DLG2: variants seen among roughly 807,000 people sequenced by gnomAD.
DLG2 encodes the protein discs large MAGUK scaffold protein 2, also known as disks large homolog 2.
In DLG2, 45 loss-of-function variants were observed where a neutral mutation model predicts 132.5. That is an observed-to-expected ratio of 0.34 (90% CI 0.27 to 0.44). The LOEUF (loss-of-function observed/expected upper bound fraction) is 0.44. Ranked by LOEUF, DLG2 falls within the 20% of genes least tolerant of loss-of-function variation. The probability of loss-of-function intolerance (pLI) is 1.00; values close to 1 mark genes in which losing one functional copy is unlikely to be tolerated. For synonymous variants in DLG2, 424 were observed against 419.6 expected (o/e 1.01, Z -0.13); for missense variants, 1,045 against 1,196.9 (o/e 0.87, Z 1.87).
At chr11:85,625,411 CT>C (rs1267886249) in intron 2 of DLG2, among the ~76,000 whole-genome samples, 2 of 152,302 alleles carry the variant, frequency 1.3e-5, no homozygotes, top group East Asian at 3.9e-4. Flanking sequence ...CAGTTTACTT[CT>C]GTCAGTGGTA....
intron 6 of DLG2, among the ~76,000 whole-genome samples, chr11:84,714,623 T>TTCTCTTTCTCTCTCTCTCTCTCTCTC (rs2060951658): frequency 9.5e-6 from 1 of 104,994 alleles, no homozygotes; most frequent in African/African-American, 4.3e-5. Context: ...CTCTTTCTCT[T>TTCTCTTTCTCTCTCTCTCTCTCTCTC]TCTCTCTCTC....
Position 83,492,155 on chromosome 11 carries a change from T to G in DLG2, c.2194-7927A>C, listed in dbSNP as rs74733536. ...TCCTGGCTACTTATCTAAACCACTT[T>G]ATTCAGGGCCACCAATGAACTTCAT... On this transcript the variant is annotated intron_variant, in intron 21 of 27. Transcript: ENST00000376104. 1.4e-4 allele frequency among the ~76,000 whole-genome samples: 22 copies of G among 152,210 alleles called. No individual in the cohort carries two copies. The East Asian group carries it at 4.3e-3, about 29-fold the overall frequency.
chr11:83,969,210 C>T (rs2090849286), intron 12 of DLG2, among the ~76,000 whole-genome samples: 2 of 152,120 alleles, frequency 1.3e-5, no homozygotes, highest in South Asian at 2.1e-4. Flanking sequence ...GATCACAAGC[C>T]TCCTTACGAG....
chr11:83,749,193 G>A (rs774557942), intron 18 of DLG2, among the ~76,000 whole-genome samples: 1 of 152,186 alleles, frequency 6.6e-6, no homozygotes, highest in East Asian at 1.9e-4. Context: ...GATTAGCATG[G>A]AGAGCCATAG....
intron 6 of DLG2, among the ~76,000 whole-genome samples, chr11:84,953,513 A>G (rs1056936818): frequency 1.3e-5 from 2 of 152,184 alleles, no homozygotes; most frequent in Admixed American, 1.3e-4. Context: ...ATTTTAATTC[A>G]GCTCATCCAT....
At chr11:85,300,827 G>A (rs1214707276) in intron 3 of DLG2, among the ~76,000 whole-genome samples, 1 of 152,112 alleles carries the variant, frequency 6.6e-6, no homozygotes, top group East Asian at 1.9e-4. Context: ...TCAGGCATGG[G>A]AGTTTGAGGA....
intron 16 of DLG2, among the ~76,000 whole-genome samples, chr11:83,845,267 T>C (rs1338639121): frequency 6.6e-6 from 1 of 152,110 alleles, no homozygotes; most frequent in African/African-American, 2.4e-5. Context: ...AAAGATCTTT[T>C]TAGTAGAATG....
intron 22 of DLG2, among the ~76,000 whole-genome samples, chr11:83,478,257 T>A (rs2092784513): frequency 6.6e-6 from 1 of 152,100 alleles, no homozygotes; most frequent in Admixed American, 6.6e-5. Context: ...TGAGCTGTGA[T>A]AAAGACTCTT....
chr11:85,504,434 T>A (rs1300622852), intron 3 of DLG2, among the ~76,000 whole-genome samples: 1 of 152,242 alleles, frequency 6.6e-6, no homozygotes, highest in Non-Finnish European at 1.5e-5. Context: ...TACATATGGC[T>A]AGCCAGTTTT....
chr11:84,390,432 G>C (rs2098788580), intron 7 of DLG2, among the ~76,000 whole-genome samples: 1 of 152,166 alleles, frequency 6.6e-6, no homozygotes, highest in Non-Finnish European at 1.5e-5. Context: ...TTATATGTTA[G>C]TGTGGTTAGG....
intron 3 of DLG2, among the ~76,000 whole-genome samples, chr11:85,526,618 A>G (rs1221931593): frequency 3.3e-5 from 5 of 152,220 alleles, no homozygotes; most frequent in African/African-American, 1.2e-4. Context: ...TAACTACATG[A>G]GAATAATAGT....
chr11:83,790,601 G>T, intron 17 of DLG2: 1 of 1,323,232 alleles, frequency 7.6e-7, no homozygotes, highest in Non-Finnish European at 1.1e-6. Flanking sequence ...TAAGTCCACT[G>T]AAGTTCCTTT....
rs549819299 is a variant in DLG2, at chr11:83,630,323, G to A, written c.1940+2888C>T. On this transcript the variant is annotated intron_variant, in intron 19 of 27. Coordinates refer to ENST00000376104, the MANE Select transcript of DLG2 (RefSeq NM_001142699.3). ...ACCAGGACCAGGGCTAGAGTTGGGA[G>A]CATGCTTGTGAGCATGCGTGTGTGT... Among the ~76,000 whole-genome samples, 382 of 138,462 alleles carry A rather than the reference G, an allele frequency of 2.8e-3. 3 individuals are homozygous for A. Among genetic ancestry groups the A allele is most frequent in the African/African-American group, 0.013 (359 of 28,538 alleles). 90.8% of individuals were successfully genotyped at this position (138,462 alleles called of 152,430 possible).
intron 6 of DLG2, among the ~76,000 whole-genome samples, chr11:84,907,229 T>C (rs950123663): frequency 6.6e-5 from 10 of 152,238 alleles, no homozygotes; most frequent in African/African-American, 2.2e-4. Flanking sequence ...CAATTCAACA[T>C]ACGACTAACT....
intron 20 of DLG2, among the ~76,000 whole-genome samples, chr11:83,533,888 C>T (rs1312306517): frequency 2.0e-5 from 3 of 151,888 alleles, no homozygotes; most frequent in Non-Finnish European, 4.4e-5. Flanking sequence ...AATAAACAAC[C>T]CTGGTCGAGG....
At chr11:83,671,943 G>A (rs1021557530) in intron 18 of DLG2, among the ~76,000 whole-genome samples, 1 of 152,174 alleles carries the variant, frequency 6.6e-6, no homozygotes, top group South Asian at 2.1e-4. Flanking sequence ...CTTACAATTT[G>A]TTACTTTTAA....
intron 25 of DLG2, among the ~76,000 whole-genome samples, chr11:83,467,704 C>T (rs57985093): frequency 2.7e-5 from 4 of 145,690 alleles, no homozygotes; most frequent in Admixed American, 7.0e-5. Flanking sequence ...GAGCTGAGAC[C>T]GTGCCATGGC....
At chr11:83,637,161 G>C (rs1172302909) in intron 18 of DLG2, among the ~76,000 whole-genome samples, 1 of 152,116 alleles carries the variant, frequency 6.6e-6, no homozygotes, top group Non-Finnish European at 1.5e-5. Context: ...TAGAAGTCCT[G>C]AAATTGTATT....
intron 6 of DLG2, among the ~76,000 whole-genome samples, chr11:85,081,176 G>T (rs1335382572): frequency 6.6e-6 from 1 of 152,070 alleles, no homozygotes; most frequent in Non-Finnish European, 1.5e-5. Flanking sequence ...TCCTTATGCG[G>T]AGCCCATTTA....
Sources: gnomAD v4.1 joint callset for allele counts (sites outside exome capture counted in the v4.1 genomes callset) on GRCh38, gnomAD v4.1.1 for gene constraint, MANE v1.5 for transcripts, NCBI Gene and HGNC (gene_info 2026-07-23, HGNC 2026-07-21) for gene names.